Variants in SETBP1 observed in about 807,000 individuals in gnomAD.
The protein encoded by SETBP1 is SET-binding protein.
A neutral mutation model predicts 101.0 loss-of-function variants in SETBP1; 9 were observed. That is an observed-to-expected ratio of 0.09 (90% CI 0.05 to 0.16). The LOEUF (loss-of-function observed/expected upper bound fraction) is 0.16. Ranked by LOEUF, SETBP1 falls within the 10% of genes least tolerant of loss-of-function variation. SETBP1 has a pLI of 1.00. For synonymous variants in SETBP1, 818 were observed against 788.5 expected (o/e 1.04, Z -0.63); for missense variants, 1,858 against 2,033.8 (o/e 0.91, Z 1.66).
At chr18:44,777,471 G>C (rs910470682) in intron 2 of SETBP1, among the ~76,000 whole-genome samples, 21 of 152,282 alleles carry the variant, frequency 1.4e-4, no homozygotes, top group African/African-American at 5.1e-4. Context: ...GCATGCTCCT[G>C]TGTGGACCTG....
At chr18:44,867,618 T>C (rs1226984672) in intron 2 of SETBP1, among the ~76,000 whole-genome samples, 1 of 152,230 alleles carries the variant, frequency 6.6e-6, no homozygotes, top group Non-Finnish European at 1.5e-5. Flanking sequence ...GCCTAATGTG[T>C]TGTGGCTTGG....
At chr18:44,718,881 G>C (rs2069523949) in intron 2 of SETBP1, among the ~76,000 whole-genome samples, 1 of 152,112 alleles carries the variant, frequency 6.6e-6, no homozygotes, top group Non-Finnish European at 1.5e-5. Flanking sequence ...GAGGATGTCA[G>C]AGCTTCTCAA....
At chr18:45,017,022 T>C (rs2072961220) in intron 4 of SETBP1, among the ~76,000 whole-genome samples, 1 of 152,114 alleles carries the variant, frequency 6.6e-6, no homozygotes, top group Admixed American at 6.5e-5. Context: ...CATCAGCCTT[T>C]TTGTCTCGTC....
At chr18:44,903,656 C>T (rs1210445427) in intron 3 of SETBP1, among the ~76,000 whole-genome samples, 1 of 152,204 alleles carries the variant, frequency 6.6e-6, no homozygotes, top group Non-Finnish European at 1.5e-5. Flanking sequence ...ACACCTATCA[C>T]ACAATCTCTT....
Position 44,828,423 on chromosome 18 carries a change from A to G in SETBP1, c.487-40807A>G, listed in dbSNP as rs567412626. 5.3e-5 allele frequency among the ~76,000 whole-genome samples: 8 copies of G among 152,358 alleles called. No homozygotes were observed. In the East Asian group the frequency reaches 1.5e-3, roughly 29 times the overall value. On this transcript the variant is annotated intron_variant, in intron 2 of 5. Coordinates refer to ENST00000649279, the MANE Select transcript of SETBP1 (RefSeq NM_015559.3). ...TTCAATGTAGTAGATGAAAATTCAG[A>G]TACTACTGAACTTGATGTCTCTTTG...
intron 4 of SETBP1, among the ~76,000 whole-genome samples, chr18:45,023,451 C>T (rs1209206665): frequency 6.6e-6 from 1 of 152,230 alleles, no homozygotes; most frequent in Non-Finnish European, 1.5e-5. Context: ...CCCCAAAGGG[C>T]ACGGAGTTGC....
At chr18:44,773,818 C>CTCTT (rs1422167844) in intron 2 of SETBP1, among the ~76,000 whole-genome samples, 1 of 124,602 alleles carries the variant, frequency 8.0e-6, no homozygotes, top group East Asian at 2.4e-4. Context: ...CTCTCTCTCT[C>CTCTT]TCTCTGTCTC....
At chr18:44,961,224 G>A (rs1209881648) in intron 4 of SETBP1, among the ~76,000 whole-genome samples, 1 of 152,238 alleles carries the variant, frequency 6.6e-6, no homozygotes, top group Non-Finnish European at 1.5e-5. Flanking sequence ...AGGAATGCCA[G>A]AAATGCTGGA....
At chr18:44,824,385 G>A (rs1453447518) in intron 2 of SETBP1, among the ~76,000 whole-genome samples, 1 of 152,020 alleles carries the variant, frequency 6.6e-6, no homozygotes, top group Non-Finnish European at 1.5e-5. Flanking sequence ...ATAGGGTTTT[G>A]TATGATTCAC....
chr18:44,705,766 G>A (rs1304951239), intron 2 of SETBP1, among the ~76,000 whole-genome samples: 2 of 152,164 alleles, frequency 1.3e-5, no homozygotes, highest in African/African-American at 2.4e-5. Context: ...GCATATATGT[G>A]TAGCATCGTC....
At chr18:44,916,216 ACT>A (rs959457840) in intron 3 of SETBP1, among the ~76,000 whole-genome samples, 11 of 151,852 alleles carry the variant, frequency 7.2e-5, no homozygotes, top group African/African-American at 2.7e-4. Context: ...ACAGAGCAAG[ACT>A]CTGTCTCAAA....
intron 4 of SETBP1, among the ~76,000 whole-genome samples, chr18:44,973,485 A>G (rs892543899): frequency 3.3e-5 from 5 of 152,178 alleles, no homozygotes; most frequent in African/African-American, 1.2e-4. Context: ...GGAGGCTGCC[A>G]TTCCAAGTGA....
chr18:44,949,074 A>T (rs1202882428), intron 3 of SETBP1, among the ~76,000 whole-genome samples: 2 of 152,238 alleles, frequency 1.3e-5, no homozygotes, highest in African/African-American at 4.8e-5. Flanking sequence ...ATAAGTACGT[A>T]ATACGAAGTT....
At chr18:44,938,393 A>G (rs1337188115) in intron 3 of SETBP1, among the ~76,000 whole-genome samples, 2 of 152,250 alleles carry the variant, frequency 1.3e-5, no homozygotes, top group Non-Finnish European at 2.9e-5. Flanking sequence ...CATAGAAACA[A>G]TCAATGATGT....
At chr18:44,779,958 GCATGCACACACA>G (rs1013033736) in intron 2 of SETBP1, among the ~76,000 whole-genome samples, 10 of 150,748 alleles carry the variant, frequency 6.6e-5, no homozygotes, top group Non-Finnish European at 1.2e-4. Context: ...ACGCACACAC[GCATGCACACACA>G]CACGCATGTG....
intron 1 of SETBP1, among the ~76,000 whole-genome samples, chr18:44,683,469 T>C (rs544880664): frequency 6.6e-6 from 1 of 152,340 alleles, no homozygotes; most frequent in South Asian, 2.1e-4. Context: ...GTAGGTACTT[T>C]CCCCTGGATT....
intron 1 of SETBP1, among the ~76,000 whole-genome samples, chr18:44,685,599 G>A (rs188092332): frequency 7.9e-4 from 120 of 152,152 alleles, no homozygotes; most frequent in Admixed American, 4.6e-3. Flanking sequence ...CTGAGCCTCC[G>A]GAACCTAATC....
At chr18:44,947,176 A>T (rs1363571154) in intron 3 of SETBP1, among the ~76,000 whole-genome samples, 1 of 152,202 alleles carries the variant, frequency 6.6e-6, no homozygotes, top group Non-Finnish European at 1.5e-5. Context: ...AAGATAAGTT[A>T]CATGGTTTCA....
intron 2 of SETBP1, among the ~76,000 whole-genome samples, chr18:44,775,707 A>ATT (rs74569090): frequency 3.0e-5 from 4 of 133,414 alleles, no homozygotes; most frequent in Non-Finnish European, 4.9e-5. Flanking sequence ...AGAGAGCACC[A>ATT]TTTTTTTTTT....
Sources: allele counts gnomAD v4.1 joint callset (sites outside exome capture counted in the v4.1 genomes callset), GRCh38; gene constraint gnomAD v4.1.1; transcripts MANE v1.5; gene names NCBI Gene and HGNC (gene_info 2026-07-23, HGNC 2026-07-21).